PPARGC1A: variants seen among roughly 807,000 people sequenced by gnomAD.
The protein encoded by PPARGC1A is peroxisome proliferator-activated receptor gamma coactivator 1-alpha.
PPARGC1A carries 25 observed loss-of-function variants against 88.7 expected under a neutral mutation model. That is an observed-to-expected ratio of 0.28 (90% CI 0.21 to 0.39). PPARGC1A has a LOEUF of 0.39. Ranked by LOEUF, PPARGC1A falls within the 10% of genes least tolerant of loss-of-function variation. The pLI, the probability that PPARGC1A is intolerant of heterozygous loss-of-function variation, is 1.00. For missense variants in PPARGC1A, 880 were observed against 968.7 expected (o/e 0.91, Z 1.22); for synonymous variants, 363 against 355.6 (o/e 1.02, Z -0.24).
At chr4:24,340,267 T>A in the PPARGC1A span, among the ~76,000 whole-genome samples, 2 of 152,158 alleles carry the variant, frequency 1.3e-5, no homozygotes, top group South Asian at 4.1e-4. Flanking sequence ...TCATCTCCAC[T>A]CGATTTTCTT....
chr4:24,163,338 G>A, the PPARGC1A span, among the ~76,000 whole-genome samples: 4 of 151,448 alleles, frequency 2.6e-5, no homozygotes, highest in South Asian at 2.1e-4. Context: ...CATAAATTTC[G>A]TACCACTGCT....
the PPARGC1A span, among the ~76,000 whole-genome samples, chr4:24,197,275 G>T: frequency 6.6e-6 from 1 of 152,128 alleles, no homozygotes; most frequent in Non-Finnish European, 1.5e-5. Context: ...CCTTTTGCAG[G>T]TCATTTTTAT....
the PPARGC1A span, among the ~76,000 whole-genome samples, chr4:23,996,429 G>A: frequency 6.6e-5 from 10 of 152,244 alleles, no homozygotes; most frequent in African/African-American, 1.9e-4. Context: ...AGTCAGAACT[G>A]CAGAACAGAA....
chr4:24,416,275 C>G, the PPARGC1A span, among the ~76,000 whole-genome samples: 1 of 152,108 alleles, frequency 6.6e-6, no homozygotes, highest in African/African-American at 2.4e-5. Flanking sequence ...TACAAAGACT[C>G]TTGAAGGCCA....
At chr4:23,989,494 G>A in the PPARGC1A span, among the ~76,000 whole-genome samples, 1 of 151,942 alleles carries the variant, frequency 6.6e-6, no homozygotes, top group African/African-American at 2.4e-5. Context: ...GAGAGGAAGA[G>A]GGGCAGGTAA....
chr4:24,362,974 T>C, the PPARGC1A span, among the ~76,000 whole-genome samples: 1 of 152,228 alleles, frequency 6.6e-6, no homozygotes, highest in Non-Finnish European at 1.5e-5. Flanking sequence ...ATTAGGAATT[T>C]ATATTTAGAC....
the PPARGC1A span, among the ~76,000 whole-genome samples, chr4:24,285,296 ATAAG>A: frequency 6.6e-6 from 1 of 151,980 alleles, no homozygotes; most frequent in Non-Finnish European, 1.5e-5. Context: ...TATGTTCTAG[ATAAG>A]TAAGAAATTA....
chr4:24,355,920 G>A, the PPARGC1A span, among the ~76,000 whole-genome samples: 4 of 152,078 alleles, frequency 2.6e-5, no homozygotes, highest in Non-Finnish European at 5.9e-5. Context: ...TTTACGGCGG[G>A]GCACGATGGC....
At chr4:24,345,717 C>T in the PPARGC1A span, among the ~76,000 whole-genome samples, 2 of 152,056 alleles carry the variant, frequency 1.3e-5, no homozygotes, top group African/African-American at 2.4e-5. Flanking sequence ...ACAATCATAT[C>T]GTCAGCAAAC....
At chr4:23,852,632 T>C (rs1435860819) in intron 2 of PPARGC1A, among the ~76,000 whole-genome samples, 1 of 152,212 alleles carries the variant, frequency 6.6e-6, no homozygotes, top group African/African-American at 2.4e-5. Context: ...TTTCTCCGTT[T>C]TTTTTTCTTC....
intron 7 of PPARGC1A, among the ~76,000 whole-genome samples, chr4:23,818,930 A>C (rs1722487220): frequency 7.3e-6 from 1 of 137,232 alleles, no homozygotes. Context: ...AAGTTTGTTT[A>C]ACAGTGGGAT....
At chr4:24,282,017 T>C in the PPARGC1A span, among the ~76,000 whole-genome samples, 5 of 152,226 alleles carry the variant, frequency 3.3e-5, no homozygotes, top group East Asian at 7.7e-4. Context: ...CCAGAATCTA[T>C]GCTTTTAACC....
At chr4:24,241,491 C>A in the PPARGC1A span, among the ~76,000 whole-genome samples, 9 of 152,110 alleles carry the variant, frequency 5.9e-5, no homozygotes, top group African/African-American at 2.2e-4. Context: ...TATTTTGCAT[C>A]CTTATTGGTC....
chr4:24,085,934 T>C, the PPARGC1A span, among the ~76,000 whole-genome samples: 3 of 152,244 alleles, frequency 2.0e-5, no homozygotes, highest in East Asian at 5.8e-4. Context: ...ATCCCCCTCA[T>C]TCAGAGGTGG....
the PPARGC1A span, among the ~76,000 whole-genome samples, chr4:24,385,193 A>G: frequency 7.9e-5 from 12 of 152,202 alleles, no homozygotes; most frequent in Admixed American, 7.2e-4. Context: ...TTTGAAACCA[A>G]TGAGAACAGA....
the PPARGC1A span, among the ~76,000 whole-genome samples, chr4:24,472,598 G>C: frequency 6.7e-4 from 102 of 152,258 alleles, 2 homozygotes; most frequent in African/African-American, 2.3e-3. This position sits in a 1 kb window ranked among gnomAD's most constrained non-coding sequence, Gnocchi z 4.5. Flanking sequence ...AGGGGGAAGG[G>C]AATGGCAAAG....
At chr4:24,383,134 G>A in the PPARGC1A span, among the ~76,000 whole-genome samples, 1 of 152,160 alleles carries the variant, frequency 6.6e-6, no homozygotes, top group African/African-American at 2.4e-5. Context: ...GCAGCAGAGG[G>A]GCCTATTAGA....
chr4:23,862,964 C>T (rs150318530), intron 2 of PPARGC1A, among the ~76,000 whole-genome samples: 31 of 152,138 alleles, frequency 2.0e-4, no homozygotes, highest in African/African-American at 6.0e-4. Flanking sequence ...TTACAATCTG[C>T]GCATCACATT....
the PPARGC1A span, among the ~76,000 whole-genome samples, chr4:23,999,868 C>CA: frequency 6.6e-6 from 1 of 152,018 alleles, no homozygotes; most frequent in Admixed American, 6.6e-5. Flanking sequence ...TGAAGGACTC[C>CA]AACGTGTAGA....
Sources: gnomAD v4.1 joint callset for allele counts (sites outside exome capture counted in the v4.1 genomes callset) on GRCh38, gnomAD v4.1.1 for gene constraint, Gnocchi (gnomAD v3.1) non-coding constraint, MANE v1.5 for transcripts, NCBI Gene and HGNC (gene_info 2026-07-23, HGNC 2026-07-21) for gene names.